Variants in JAK1 observed in about 807,000 individuals in gnomAD.
JAK1 encodes Janus kinase 1, also known as tyrosine-protein kinase JAK1.
Under a neutral mutation model 136.6 loss-of-function variants are expected in JAK1, and 16 were observed. The ratio of observed to expected loss-of-function variants is 0.12; its 90% confidence interval spans 0.08 to 0.18. The LOEUF (loss-of-function observed/expected upper bound fraction) is 0.18, where lower values mean the gene tolerates loss of function less well. Ranked by LOEUF, JAK1 falls within the 10% of genes least tolerant of loss-of-function variation. The pLI, the probability that JAK1 is intolerant of heterozygous loss-of-function variation, is 1.00. For synonymous variants in JAK1, 492 were observed against 519.5 expected (o/e 0.95, Z 0.72); for missense variants, 859 against 1,450.1 (o/e 0.59, Z 6.62).
chr1:65,049,222 G>T (rs1434751020), intron 1 of JAK1, among the ~76,000 whole-genome samples: 2 of 152,086 alleles, frequency 1.3e-5, no homozygotes, highest in African/African-American at 4.8e-5. Context: ...AGGTGTTTGA[G>T]ACCAGCCTGA....
chr1:64,927,813 G>C (rs1463770937), intron 1 of JAK1, among the ~76,000 whole-genome samples: 1 of 152,164 alleles, frequency 6.6e-6, no homozygotes, highest in Admixed American at 6.5e-5. Context: ...CCTGTATTTG[G>C]CTGGAAGATA....
chr1:65,007,869 CTGAG>C (rs900681167), intron 2 of JAK1, among the ~76,000 whole-genome samples: 4 of 152,034 alleles, frequency 2.6e-5, no homozygotes, highest in Non-Finnish European at 5.9e-5. Flanking sequence ...CCTCAGCCTC[CTGAG>C]TAAGTGGGGC....
chr1:64,854,946 C>T (rs1655833719), intron 11 of JAK1, among the ~76,000 whole-genome samples: 1 of 152,216 alleles, frequency 6.6e-6, no homozygotes, highest in African/African-American at 2.4e-5. Flanking sequence ...CTCCTCCAGG[C>T]AGCCCCCTGT....
At chr1:64,863,688 T>C (rs1466238966) in intron 8 of JAK1, among the ~76,000 whole-genome samples, 1 of 152,194 alleles carries the variant, frequency 6.6e-6, no homozygotes, top group Non-Finnish European at 1.5e-5. Context: ...ATTCTATAGG[T>C]AAAGTTTTAT....
chr1:65,038,938 T>TTGTGTGTG (rs150814115), intron 2 of JAK1, among the ~76,000 whole-genome samples: 2,229 of 147,884 alleles, frequency 0.015, 52 homozygotes, highest in African/African-American at 0.05. Context: ...GCACCCAGTC[T>TTGTGTGTG]TGTGTGTGTG....
chr1:64,932,921 G>GT (rs201023985), intron 1 of JAK1, among the ~76,000 whole-genome samples: 3,527 of 152,032 alleles, frequency 0.023, 66 homozygotes, highest in Non-Finnish European at 0.033. Flanking sequence ...CAAATCAAAG[G>GT]TTTTTTCTCC....
intron 2 of JAK1, among the ~76,000 whole-genome samples, chr1:64,883,929 T>C (rs1013776562): frequency 2.6e-5 from 4 of 152,152 alleles, no homozygotes; most frequent in South Asian, 2.1e-4. Flanking sequence ...ATCAGCATTT[T>C]AATTTCATGT....
intron 2 of JAK1, chr1:64,989,614 A>G (rs1402837977): frequency 6.6e-6 from 1 of 152,200 alleles, no homozygotes; most frequent in African/African-American, 2.4e-5. Context: ...GAACTAACCC[A>G]GATTGGAAAA....
At chr1:64,838,951 C>A (rs909274364) in intron 20 of JAK1, among the ~76,000 whole-genome samples, 1 of 151,540 alleles carries the variant, frequency 6.6e-6, no homozygotes, top group Non-Finnish European at 1.5e-5. Flanking sequence ...CGAGACCATC[C>A]TGGCTAACAC....
At chr1:64,867,693 A>T (rs947664714) in intron 6 of JAK1, among the ~76,000 whole-genome samples, 28 of 152,344 alleles carry the variant, frequency 1.8e-4, no homozygotes, top group South Asian at 1.0e-3. Context: ...TTTTTATTTT[A>T]AAAATGAGAA....
chr1:65,053,008 T>A (rs1168376148), intron 1 of JAK1, among the ~76,000 whole-genome samples: 2 of 119,874 alleles, frequency 1.7e-5, no homozygotes, highest in Non-Finnish European at 3.2e-5. Context: ...TCCAGCCTGG[T>A]GACAGAGCAA....
At chr1:64,879,844 T>G (rs1004644146) in intron 3 of JAK1, among the ~76,000 whole-genome samples, 1 of 152,138 alleles carries the variant, frequency 6.6e-6, no homozygotes, top group African/African-American at 2.4e-5. Flanking sequence ...ACCAGTTGCC[T>G]CCGTCAATAA....
chr1:65,032,691 A>C (rs1647034407), intron 2 of JAK1, among the ~76,000 whole-genome samples: 2 of 152,190 alleles, frequency 1.3e-5, no homozygotes, highest in Non-Finnish European at 2.9e-5. Flanking sequence ...TTTCTTATAA[A>C]GTACTTATAA....
In JAK1 at chr1:64,835,412, G is replaced by A. The variant is rs1654418304; in HGVS notation, c.3353C>T (p.Pro1118Leu). ...LKEGKRLPCP[P>L]NCPDEVYQLM... ...CATAGATACCTCATCTGGACAGTTA[G>A]GTGGGCACGGCAGGCGTTTTCCTTC... The change falls in exon 24 of 25, where the codon CCT becomes CTT. Residue 1118 changes from proline to leucine, a missense_variant. Pro to Leu is a moderately conservative substitution (Grantham distance 98). This residue lies in a region of JAK1 where 53 missense variants were observed against 64.8 expected (regional missense o/e 0.82). Coordinates refer to ENST00000342505, the MANE Select transcript of JAK1 (RefSeq NM_002227.4). 1 of 1,598,100 alleles carries A rather than the reference G, an allele frequency of 6.3e-7. No homozygotes were observed. The highest frequency in any genetic ancestry group is 8.5e-7 in the Non-Finnish European group (1 of 1,170,866).
chr1:64,884,637 T>A (rs1644825684), intron 2 of JAK1, among the ~76,000 whole-genome samples: 1 of 152,194 alleles, frequency 6.6e-6, no homozygotes, highest in Non-Finnish European at 1.5e-5. Flanking sequence ...ATGCTACTTC[T>A]CACCCTCCTG....
chr1:64,957,615 C>T (rs1646211535), intron 1 of JAK1, among the ~76,000 whole-genome samples: 1 of 151,640 alleles, frequency 6.6e-6, no homozygotes, highest in South Asian at 2.1e-4. Flanking sequence ...TCGAGACCAT[C>T]CTGGCTAACA....
chr1:65,035,963 G>C (rs1440548232), intron 2 of JAK1, among the ~76,000 whole-genome samples: 1 of 152,092 alleles, frequency 6.6e-6, no homozygotes, highest in Non-Finnish European at 1.5e-5. Context: ...AGCTACTCAG[G>C]AGGCTGAGGC....
At chr1:65,012,951 C>G (rs553209247) in intron 2 of JAK1, among the ~76,000 whole-genome samples, 45 of 151,900 alleles carry the variant, frequency 3.0e-4, no homozygotes, top group African/African-American at 1.1e-3. Flanking sequence ...ACTGGTTTAG[C>G]TGGGCGTGGT....
intron 2 of JAK1, among the ~76,000 whole-genome samples, chr1:65,040,837 T>G (rs1173410383): frequency 6.6e-6 from 1 of 152,198 alleles, no homozygotes; most frequent in Non-Finnish European, 1.5e-5. Context: ...GGACCTCACA[T>G]TTCAGAGGAG....
Sources: allele counts gnomAD v4.1 joint callset (sites outside exome capture counted in the v4.1 genomes callset), GRCh38; gene constraint gnomAD v4.1.1; regional missense constraint gnomAD v4.1.1; transcripts MANE v1.5; gene names NCBI Gene and HGNC (gene_info 2026-07-23, HGNC 2026-07-21).